The following RPA3 variants were observed in gnomAD, a reference collection of about 807,000 sequenced individuals.
The protein encoded by RPA3 is replication protein A 14 kDa subunit.
In RPA3, 24 loss-of-function variants were observed where a neutral mutation model predicts 13.7. That is an observed-to-expected ratio of 1.75 (90% confidence interval 1.27 to 2.46). RPA3 has a LOEUF of 2.46. Ranked by LOEUF, RPA3 falls within the 30% of genes most tolerant of loss-of-function variation. The pLI, the probability that RPA3 is intolerant of heterozygous loss-of-function variation, is 0.00. For missense variants in RPA3, 183 were observed against 151.0 expected, an observed-to-expected ratio of 1.21 and a Z score of -1.11; for synonymous variants, 59 against 51.2, an observed-to-expected ratio of 1.15 and a Z score of -0.65.
At chr7:7,711,033 A>C (rs1780749385) in intron 2 of RPA3, among the ~76,000 whole-genome samples, 1 of 152,188 alleles carries the variant, frequency 6.6e-6, no homozygotes, top group Non-Finnish European at 1.5e-5. Context: ...CCGGTGGGTA[A>C]GGATGGGGTG....
chr7:7,696,309 AAAAC>A (rs905978491), intron 2 of RPA3, among the ~76,000 whole-genome samples: 8 of 151,790 alleles, frequency 5.3e-5, no homozygotes, highest in Non-Finnish European at 1.2e-4. Flanking sequence ...ATTAAAAAAA[AAAAC>A]ACCCCAAAAC....
intron 2 of RPA3, among the ~76,000 whole-genome samples, chr7:7,707,465 G>A (rs1453670517): frequency 6.6e-6 from 1 of 152,126 alleles, no homozygotes; most frequent in Non-Finnish European, 1.5e-5. Context: ...TTGAACGTAT[G>A]TTCCATTTGG....
intron 1 of RPA3, among the ~76,000 whole-genome samples, chr7:7,717,029 T>TC (rs1780927819): frequency 6.6e-6 from 1 of 151,892 alleles, no homozygotes; most frequent in Non-Finnish European, 1.5e-5. Flanking sequence ...GCTTTCCTCT[T>TC]TCTTTTTCCT....
intron 4 of RPA3, among the ~76,000 whole-genome samples, chr7:7,683,025 G>C (rs1384001344): frequency 1.3e-5 from 2 of 152,200 alleles, no homozygotes; most frequent in African/African-American, 4.8e-5. Context: ...ATCCCCGTGT[G>C]GGGTACACCA....
intron 2 of RPA3, among the ~76,000 whole-genome samples, chr7:7,698,180 T>C (rs1780363031): frequency 1.3e-5 from 2 of 152,272 alleles, no homozygotes; most frequent in South Asian, 4.1e-4. Flanking sequence ...TGATATTATT[T>C]ATTTTGAATT....
At chr7:7,647,529 T>C (rs535936804) in intron 4 of RPA3, among the ~76,000 whole-genome samples, 3 of 152,346 alleles carry the variant, frequency 2.0e-5, no homozygotes, top group Admixed American at 2.0e-4. Flanking sequence ...AATATCTCAA[T>C]TATCGATAAA....
intron 4 of RPA3, among the ~76,000 whole-genome samples, chr7:7,648,454 T>G (rs1164490683): frequency 6.6e-6 from 1 of 152,218 alleles, no homozygotes; most frequent in Non-Finnish European, 1.5e-5. Flanking sequence ...ATTTTTTCTC[T>G]CTTTTGTCCA....
chr7:7,711,295 T>C (rs1053681921), intron 2 of RPA3, among the ~76,000 whole-genome samples: 4 of 152,226 alleles, frequency 2.6e-5, no homozygotes, highest in Non-Finnish European at 4.4e-5. Context: ...ATGATGCTGT[T>C]ACAAACATCC....
intron 2 of RPA3, among the ~76,000 whole-genome samples, chr7:7,702,342 G>A (rs563324855): frequency 8.5e-5 from 13 of 152,088 alleles, no homozygotes; most frequent in Non-Finnish European, 1.6e-4. Context: ...GGAAAGATGA[G>A]ACTATATTCA....
At chr7:7,684,500 C>T (rs146003541) in intron 4 of RPA3, among the ~76,000 whole-genome samples, 6 of 152,242 alleles carry the variant, frequency 3.9e-5, no homozygotes, top group South Asian at 4.2e-4. Context: ...TGAGCCACCA[C>T]GCTTGGCAAC....
intron 1 of RPA3, among the ~76,000 whole-genome samples, chr7:7,717,181 C>T (rs1043613019): frequency 4.6e-5 from 7 of 151,838 alleles, no homozygotes; most frequent in Admixed American, 3.9e-4. Context: ...CTCTGCCTCC[C>T]GCGTAGCTGG....
In RPA3 at chr7:7,707,826, G is replaced by C. The variant is rs183686833; in HGVS notation, c.-1028+7349C>G. ...ATAAAGATGCTTTCTAAGGAAACTG[G>C]TTTGCCTAGCCAGATCTTTTAATGT... On this transcript the variant is annotated intron_variant, in intron 2 of 7. Transcript: ENST00000223129. Among the ~76,000 whole-genome samples the C allele has an allele frequency of 1.8e-4, 27 of 152,252 alleles. 2 individuals are homozygous for C. In the East Asian group the frequency reaches 5.2e-3, roughly 29 times the overall value.
At chr7:7,650,891 C>G (rs1247836559) in intron 4 of RPA3, among the ~76,000 whole-genome samples, 1 of 152,160 alleles carries the variant, frequency 6.6e-6, no homozygotes, top group Non-Finnish European at 1.5e-5. Context: ...CTGTCCCTCC[C>G]CAACACTTTA....
chr7:7,682,810 T>G (rs913513936), intron 4 of RPA3, among the ~76,000 whole-genome samples: 1 of 152,244 alleles, frequency 6.6e-6, no homozygotes, highest in Non-Finnish European at 1.5e-5. Context: ...ACTTTTGACC[T>G]TTAAATTGCA....
At chr7:7,714,432 C>T (rs116493329) in intron 2 of RPA3, among the ~76,000 whole-genome samples, 1 of 152,144 alleles carries the variant, frequency 6.6e-6, no homozygotes, top group Non-Finnish European at 1.5e-5. Flanking sequence ...AGAGGTTGTA[C>T]TTAAACATGA....
rs774710098 is a variant in RPA3, at chr7:7,637,014, C to T, written c.352G>A (p.Val118Met). 1 of 1,610,302 alleles carries T rather than the reference C, an allele frequency of 6.2e-7. No homozygotes were observed. The highest frequency in any genetic ancestry group is 8.5e-7 in the Non-Finnish European group (1 of 1,177,154). Reference protein sequence around the residue: ...DFPQFYPLGIVQHD With the variant: ...DFPQFYPLGIMQHD ...ATCCATCAAGATCAATCATGTTGCA[C>T]AATCCCTAAAGGATAAAACTGAGGG... Residue 118 changes from valine to methionine, a missense_variant, in exon 8 of 8, where the codon GTG becomes ATG. Val to Met is a conservative substitution (Grantham distance 21). Transcript: ENST00000223129.
intron 2 of RPA3, among the ~76,000 whole-genome samples, chr7:7,693,750 C>T (rs1185616983): frequency 2.0e-5 from 3 of 151,650 alleles, no homozygotes; most frequent in Non-Finnish European, 4.4e-5. Context: ...AGTTTTATAT[C>T]CTTCTTTAAA....
At chr7:7,643,150 G>C (rs1039594423) in intron 4 of RPA3, among the ~76,000 whole-genome samples, 75 of 152,102 alleles carry the variant, frequency 4.9e-4, no homozygotes, top group African/African-American at 1.8e-3. Context: ...GCCAGGGAGA[G>C]GCCATTTCCT....
intron 1 of RPA3, among the ~76,000 whole-genome samples, 164 bp downstream of exon 1, chr7:7,718,351 G>T (rs898456383): frequency 6.6e-6 from 1 of 152,192 alleles, no homozygotes; most frequent in African/African-American, 2.4e-5. Flanking sequence ...GGCATGGGTT[G>T]TCTGTTCTTA....
Sources: allele counts gnomAD v4.1 joint callset (sites outside exome capture counted in the v4.1 genomes callset), GRCh38; gene constraint gnomAD v4.1.1; transcripts MANE v1.5; gene names NCBI Gene and HGNC (gene_info 2026-07-23, HGNC 2026-07-21).